NFE2L3: variants seen among roughly 807,000 people sequenced by gnomAD.
The protein encoded by NFE2L3 is nuclear factor erythroid 2-related factor 3.
In NFE2L3, 18 loss-of-function variants were observed where a neutral mutation model predicts 23.5. The observed-to-expected ratio is 0.77, with a 90% CI of 0.53 to 1.13. The LOEUF (loss-of-function observed/expected upper bound fraction) is 1.13, where lower values mean the gene tolerates loss of function less well. Among genes scored for constraint, NFE2L3 ranks in the 50% most tolerant of loss-of-function variants. The pLI, the probability that NFE2L3 is intolerant of heterozygous loss-of-function variation, is 0.00. For missense variants in NFE2L3, 1,152 were observed against 877.2 expected (o/e 1.31, Z -3.96); for synonymous variants, 424 against 354.5 (o/e 1.20, Z -2.20).
intron 1 of NFE2L3, among the ~76,000 whole-genome samples, chr7:26,176,029 C>T (rs948944406): frequency 6.6e-6 from 1 of 151,664 alleles, no homozygotes; most frequent in African/African-American, 2.4e-5. Flanking sequence ...GTTTGTGTCC[C>T]TGGGTACTTG....
rs765305183 is a variant in NFE2L3 at position 26,152,617 on chromosome 7, C to G, written c.119C>G (p.Thr40Ser). The G allele has an allele frequency of 6.5e-7, 1 of 1,538,106 alleles. No individual in the cohort carries two copies. The highest frequency in any genetic ancestry group is 8.7e-7 in the Non-Finnish European group (1 of 1,153,368). The change falls in exon 1 of 4, where the codon ACC becomes AGC. Residue 40 changes from threonine (T) to serine (S), a missense_variant. Transcript: ENST00000056233. This position sits in a 1 kb window ranked among gnomAD's most constrained non-coding sequence, Gnocchi z 4.4. The stretch of plus-strand genomic sequence containing the variant: ...CTTTACCTGCTGCTGCCGCCGCCCA[C>G]CCTGCTGCAGGACGAGCTGCTGTTC... ...LDLYLLLPPPTLLQDELLFLG... is the reference protein window; with the variant it reads ...LDLYLLLPPPSLLQDELLFLG...
At position 26,186,882 on chromosome 7, in the gene NFE2L3, G is replaced by A. The variant is rs530175772; in HGVS notation, c.*1099G>A. On this transcript the variant is annotated 3_prime_UTR_variant, in exon 4 of 4. Coordinates refer to ENST00000056233, the MANE Select transcript of NFE2L3 (RefSeq NM_004289.7). The stretch of plus-strand genomic sequence containing the variant: ...CTTAAGTTCACTAGAACAGTAAACA[G>A]GAGATTGCTGAATTTTTTGAAGACA... The A allele has an allele frequency of 6.6e-6, 1 of 152,312 alleles. No homozygotes were observed. Among genetic ancestry groups the A allele is most frequent in the African/African-American group, 2.4e-5 (1 of 41,564 alleles). 9.4% of individuals were successfully genotyped at this position (152,312 alleles called of 1,614,324 possible).
At chr7:26,167,736 C>A (rs183051672) in intron 1 of NFE2L3, among the ~76,000 whole-genome samples, 64 of 152,180 alleles carry the variant, frequency 4.2e-4, no homozygotes, top group African/African-American at 1.4e-3. Context: ...AAAAAGAAAG[C>A]AGAGATAATA....
At chr7:26,182,997 A>G (rs1782363453) in intron 2 of NFE2L3, among the ~76,000 whole-genome samples, 1 of 152,002 alleles carries the variant, frequency 6.6e-6, no homozygotes. Flanking sequence ...GTGTTGCCCA[A>G]GCTGGTCTCC....
intron 1 of NFE2L3, among the ~76,000 whole-genome samples, chr7:26,155,808 G>A (rs372774428): frequency 6.6e-6 from 1 of 152,294 alleles, no homozygotes. Flanking sequence ...CTGCTAGTAT[G>A]CCCTCCCATA....
Position 26,185,212 on chromosome 7 carries a change from C to G in NFE2L3, c.1514C>G (p.Thr505Ser), listed in dbSNP as rs13309640. 1.2e-6 allele frequency: 2 copies of G among 1,613,820 alleles called. No homozygotes were observed. The highest frequency in any genetic ancestry group is 2.7e-5 in the African/African-American group (2 of 74,924). ...FHNHTYHLQP[T>S]APESTSEPFP... ...AACCACACTTACCACTTACAGCCAA[C>G]TGCACCAGAATCTACTTCTGAACCT... The change falls in exon 4 of 4, where the codon ACT becomes AGT. Residue 505 changes from threonine to serine, a missense_variant. Transcript: ENST00000056233.
At chr7:26,157,607 C>T (rs182547243) in intron 1 of NFE2L3, among the ~76,000 whole-genome samples, 18 of 152,234 alleles carry the variant, frequency 1.2e-4, no homozygotes, top group South Asian at 1.0e-3. Flanking sequence ...AGCTATGTTA[C>T]GGAAATAGTC....
intron 1 of NFE2L3, among the ~76,000 whole-genome samples, chr7:26,154,238 C>T (rs1784048017): frequency 6.6e-6 from 1 of 152,134 alleles, no homozygotes. Context: ...CTTCTGTGTT[C>T]AGGATATACT....
chr7:26,164,964 T>C (rs1209792434), intron 1 of NFE2L3, among the ~76,000 whole-genome samples: 3 of 152,220 alleles, frequency 2.0e-5, no homozygotes, highest in South Asian at 4.1e-4. Context: ...GTTGTAGATA[T>C]GTGGCATTAT....
rs757614557 is a variant in NFE2L3 at position 26,184,842 on chromosome 7, T to C, written c.1144T>C (p.Tyr382His). Reference sequence around the variant, plus strand: ...GAATCTAACAAGCCAAGACCTACTGTATGACCTTGACATAAATATATTTGA... The same window carrying C: ...GAATCTAACAAGCCAAGACCTACTGCATGACCTTGACATAAATATATTTGA... ...MRNLTSQDLL[Y>H]DLDINIFDEI... The change falls in exon 4 of 4, where the codon TAT becomes CAT. Residue 382 changes from tyrosine (Y) to histidine (H), a missense_variant. Coordinates refer to ENST00000056233, the MANE Select transcript of NFE2L3 (RefSeq NM_004289.7). 3 of 1,613,976 alleles carry C rather than the reference T, an allele frequency of 1.9e-6. No homozygotes were observed. The highest frequency in any genetic ancestry group is 1.7e-6 in the Non-Finnish European group (2 of 1,179,832).
intron 1 of NFE2L3, among the ~76,000 whole-genome samples, chr7:26,159,104 C>T (rs927953624): frequency 1.3e-5 from 2 of 152,178 alleles, no homozygotes; most frequent in East Asian, 1.9e-4. Context: ...TCTAGCTCGC[C>T]ATTGCCTACT....
In NFE2L3 at chr7:26,152,614, C is replaced by A; in HGVS notation, c.116C>A (p.Pro39His). 1 of 1,539,852 alleles carries A rather than the reference C, an allele frequency of 6.5e-7. No homozygotes were observed. Among genetic ancestry groups the A allele is most frequent in the South Asian group, 1.2e-5 (1 of 83,900 alleles). ...GATCTTTACCTGCTGCTGCCGCCGCCCACCCTGCTGCAGGACGAGCTGCTG... is the reference window on the plus strand; with the variant it reads ...GATCTTTACCTGCTGCTGCCGCCGCACACCCTGCTGCAGGACGAGCTGCTG... ...DLDLYLLLPP[P>H]TLLQDELLFL... The change falls in exon 1 of 4, where the codon CCC becomes CAC. Residue 39 changes from proline (P) to histidine (H), a missense_variant. Coordinates refer to ENST00000056233, the MANE Select transcript of NFE2L3 (RefSeq NM_004289.7). The surrounding 1 kb of genome is among the most constrained non-coding windows in gnomAD (Gnocchi z 4.4).
chr7:26,180,905 A>ATTGTGT (rs1272902259), intron 2 of NFE2L3, among the ~76,000 whole-genome samples: 2 of 152,100 alleles, frequency 1.3e-5, no homozygotes, highest in African/African-American at 4.8e-5. Context: ...TTGGTTCCTC[A>ATTGTGT]TTGTGTTATC....
At chr7:26,155,480 G>C (rs1784067258) in intron 1 of NFE2L3, among the ~76,000 whole-genome samples, 1 of 152,096 alleles carries the variant, frequency 6.6e-6, no homozygotes, top group African/African-American at 2.4e-5. Flanking sequence ...AAAACTAGAA[G>C]CCTAGGTTAG....
chr7:26,170,043 C>G (rs757088200), intron 1 of NFE2L3, among the ~76,000 whole-genome samples: 4 of 152,150 alleles, frequency 2.6e-5, no homozygotes, highest in African/African-American at 7.2e-5. Context: ...TGGGATAGTC[C>G]TGGTTTATGC....
At chr7:26,177,199 C>T (rs868007663) in intron 1 of NFE2L3, among the ~76,000 whole-genome samples, 6 of 152,190 alleles carry the variant, frequency 3.9e-5, no homozygotes, top group Non-Finnish European at 8.8e-5. Flanking sequence ...GACAGGGTGG[C>T]GGCTGGGCAG....
intron 1 of NFE2L3, among the ~76,000 whole-genome samples, chr7:26,173,190 T>C (rs1784351565): frequency 6.6e-6 from 1 of 152,200 alleles, no homozygotes. Context: ...CCAGTCCTTC[T>C]CTTCCTGAGT....
At chr7:26,161,860 A>T (rs572315058) in intron 1 of NFE2L3, among the ~76,000 whole-genome samples, 1 of 152,206 alleles carries the variant, frequency 6.6e-6, no homozygotes, top group South Asian at 2.1e-4. Context: ...TTCATGCTTA[A>T]TGCCAGGCGC....
chr7:26,165,943 T>G (rs1379919956), intron 1 of NFE2L3, among the ~76,000 whole-genome samples: 1 of 152,198 alleles, frequency 6.6e-6, no homozygotes, highest in Non-Finnish European at 1.5e-5. Context: ...TGTTATCTCA[T>G]GAATAATTTT....
Sources: gnomAD v4.1 joint callset for allele counts (sites outside exome capture counted in the v4.1 genomes callset) on GRCh38, gnomAD v4.1.1 for gene constraint, Gnocchi (gnomAD v3.1) non-coding constraint, MANE v1.5 for transcripts, NCBI Gene and HGNC (gene_info 2026-07-23, HGNC 2026-07-21) for gene names.